Variants in CUX1 observed in about 807,000 individuals in gnomAD.
CUX1 encodes the protein protein CASP.
Under a neutral mutation model 158.8 loss-of-function variants are expected in CUX1, and 31 were observed. That is an observed-to-expected ratio of 0.20 (90% CI 0.15 to 0.26). CUX1 has a LOEUF of 0.26. Among genes scored for constraint, CUX1 ranks in the 10% least tolerant of loss-of-function variants. The pLI, the probability that CUX1 is intolerant of heterozygous loss-of-function variation, is 1.00. For missense variants in CUX1, 1,589 were observed against 2,014.6 expected (o/e 0.79, Z 4.04); for synonymous variants, 879 against 862.1 (o/e 1.02, Z -0.34).
At chr7:102,074,598 G>A (rs1353053426) in intron 4 of CUX1, among the ~76,000 whole-genome samples, 1 of 152,140 alleles carries the variant, frequency 6.6e-6, no homozygotes, top group African/African-American at 2.4e-5. Flanking sequence ...GACTGAAGGA[G>A]TCAATGGACC....
intron 2 of CUX1, among the ~76,000 whole-genome samples, chr7:101,944,308 A>C (rs1808102161): frequency 6.6e-6 from 1 of 152,226 alleles, no homozygotes; most frequent in Non-Finnish European, 1.5e-5. Flanking sequence ...CCCCAGTGCC[A>C]TGGAAACAGA....
chr7:102,147,020 C>T (rs1388529698), intron 8 of CUX1, among the ~76,000 whole-genome samples: 1 of 152,172 alleles, frequency 6.6e-6, no homozygotes, highest in Non-Finnish European at 1.5e-5. Context: ...TTAACTGTCT[C>T]TCGGCACAGT....
At chr7:102,228,066 C>T (rs781849644) in intron 21 of CUX1, among the ~76,000 whole-genome samples, 11 of 151,506 alleles carry the variant, frequency 7.3e-5, no homozygotes, top group Non-Finnish European at 1.5e-4. Context: ...CTGTCGTGCC[C>T]CAGCCTCCTG....
chr7:102,098,678 G>A (rs1366212991), intron 5 of CUX1, among the ~76,000 whole-genome samples: 3 of 150,212 alleles, frequency 2.0e-5, no homozygotes, highest in Non-Finnish European at 4.4e-5. Context: ...GTCTCGCTCT[G>A]TCGCCCAGGC....
At chr7:101,845,024 T>C (rs753323955) in intron 1 of CUX1, among the ~76,000 whole-genome samples, 1 of 152,222 alleles carries the variant, frequency 6.6e-6, no homozygotes, top group Non-Finnish European at 1.5e-5. Context: ...CTTATTTTTT[T>C]CTTTTATTCT....
intron 11 of CUX1, among the ~76,000 whole-genome samples, 197 bp from the exon 12 acceptor site, chr7:102,189,616 C>T (rs1191834137): frequency 2.6e-5 from 4 of 152,186 alleles, no homozygotes; most frequent in African/African-American, 9.7e-5. Flanking sequence ...CACACTTTGC[C>T]GTGCCTGGGC....
intron 15 of CUX1, chr7:102,274,140 C>T (rs782500781): frequency 1.9e-5 from 22 of 1,162,218 alleles, no homozygotes; most frequent in African/African-American, 1.8e-4. Context: ...GCCCCACCCA[C>T]TCCTTGCCAC....
rs562012179 is a variant in CUX1 at position 101,830,085 on chromosome 7, C to G, written c.30+12416C>G. The stretch of plus-strand genomic sequence containing the variant: ...CCTCTGAGATGCTGGGGCTATGCCC[C>G]TGGGTGCTGGGGAGTGAATTGCCCG... On this transcript the variant is annotated intron_variant, in intron 1 of 23. Transcript: ENST00000292535. Among the ~76,000 whole-genome samples the G allele has an allele frequency of 7.2e-5, 11 of 152,306 alleles. No homozygotes were observed. In the South Asian group the frequency reaches 2.1e-3, roughly 29 times the overall value.
chr7:102,170,543 C>G lies in CUX1; in HGVS notation c.821C>G (p.Pro274Arg). The change falls in exon 10 of 24, where the codon CCA (proline) becomes CGA (arginine). Residue 274 changes from proline to arginine, a missense_variant. By Grantham distance (103) the Pro-to-Arg change is moderately radical. Transcript: ENST00000292535. Reference sequence around the variant, plus strand: ...CTGGCCTCACAGATCCAGAAGGCACCAGACGTGGTGGGTAGCCCCGGCCCC... The same window carrying G: ...CTGGCCTCACAGATCCAGAAGGCACGAGACGTGGTGGGTAGCCCCGGCCCC... ...LQLASQIQKA[P>R]DVEQAIEVLT... 1 of 1,579,384 alleles carries G rather than the reference C, an allele frequency of 6.3e-7. No individual in the cohort carries two copies.
intron 2 of CUX1, among the ~76,000 whole-genome samples, chr7:101,955,164 CAA>C (rs1182966143): frequency 7.5e-6 from 1 of 133,312 alleles, no homozygotes; most frequent in Non-Finnish European, 1.6e-5. Flanking sequence ...GATTCAGTCT[CAA>C]AAAAAAAAAA....
intron 2 of CUX1, among the ~76,000 whole-genome samples, chr7:101,979,084 C>G (rs1234249739): frequency 6.6e-6 from 1 of 152,156 alleles, no homozygotes; most frequent in Non-Finnish European, 1.5e-5. Flanking sequence ...CAAGAGTGTC[C>G]ATTTAATGAG....
intron 1 of CUX1, among the ~76,000 whole-genome samples, chr7:101,825,333 C>T (rs879151327): frequency 6.6e-6 from 1 of 152,192 alleles, no homozygotes; most frequent in Non-Finnish European, 1.5e-5. Flanking sequence ...TATCTCAACT[C>T]GTTGCTTACA....
chr7:101,971,997 C>T (rs998820544), intron 2 of CUX1, among the ~76,000 whole-genome samples: 12 of 152,192 alleles, frequency 7.9e-5, no homozygotes, highest in African/African-American at 2.9e-4. Flanking sequence ...GACAGAGTCT[C>T]GCTCTTTCGC....
intron 10 of CUX1, among the ~76,000 whole-genome samples, chr7:102,175,881 G>A (rs1158483453): frequency 8.5e-5 from 13 of 152,222 alleles, no homozygotes; most frequent in Admixed American, 6.5e-4. Context: ...AAATGTCACC[G>A]AAATGCCGAA....
At chr7:101,914,456 CTCCTTCCTTCCTTCCTTCCCTTCTTCCT>C (rs1167803463) in intron 1 of CUX1, among the ~76,000 whole-genome samples, 1 of 139,444 alleles carries the variant, frequency 7.2e-6, no homozygotes, top group Non-Finnish European at 1.5e-5. Context: ...CCGTCCTTCC[CTCCTTCCTTCCTTCCTTCCCTTCTTCCT>C]TCCTTCCTTC....
At chr7:102,242,759 C>G (rs1239869931) in intron 23 of CUX1, among the ~76,000 whole-genome samples, 7 of 152,204 alleles carry the variant, frequency 4.6e-5, no homozygotes, top group Non-Finnish European at 8.8e-5. Context: ...TCACTGCCCC[C>G]TGGCCAGGGT....
chr7:102,255,488 G>C lies in CUX1; in HGVS notation c.*6446G>C. On this transcript the variant is annotated 3_prime_UTR_variant, in exon 24 of 24. Transcript: ENST00000292535. Reference sequence around the variant, plus strand: ...GCCCCCGTTCTTAAACTCTTAAGATGCCTTTGAGTTGCTTTTCATGAATCC... The same window carrying C: ...GCCCCCGTTCTTAAACTCTTAAGATCCCTTTGAGTTGCTTTTCATGAATCC... The C allele has an allele frequency of 1.0e-6, 1 of 984,858 alleles. No individual in the cohort carries two copies. The allele number at this position is 984,858 out of a possible 1,614,324, so 61.0% of individuals were successfully genotyped here.
At chr7:102,136,319 AAAG>A (rs1165242410) in intron 8 of CUX1, among the ~76,000 whole-genome samples, 2 of 152,016 alleles carry the variant, frequency 1.3e-5, no homozygotes, top group African/African-American at 4.8e-5. Context: ...TTTTAGTTTA[AAAG>A]AAAAAAAAAC....
chr7:102,052,023 C>G (rs915987937), intron 3 of CUX1, among the ~76,000 whole-genome samples: 26 of 152,018 alleles, frequency 1.7e-4, no homozygotes, highest in African/African-American at 6.3e-4. Flanking sequence ...AACAGCCTGG[C>G]CAACATGGCG....
Sources: allele counts gnomAD v4.1 joint callset (sites outside exome capture counted in the v4.1 genomes callset), GRCh38; gene constraint gnomAD v4.1.1; transcripts MANE v1.5; gene names NCBI Gene and HGNC (gene_info 2026-07-23, HGNC 2026-07-21).